The following NPAS2 variants were observed in gnomAD, a reference collection of about 807,000 sequenced individuals.
NPAS2 encodes the protein neuronal PAS domain protein 2.
A neutral mutation model predicts 107.5 loss-of-function variants in NPAS2; 23 were observed. The observed-to-expected ratio is 0.21, with a 90% CI of 0.15 to 0.30. The LOEUF is 0.30. Ranked by LOEUF, NPAS2 falls within the 10% of genes least tolerant of loss-of-function variation. The probability of loss-of-function intolerance (pLI) is 1.00; values close to 1 mark genes in which losing one functional copy is unlikely to be tolerated. For synonymous variants in NPAS2, 403 were observed against 417.5 expected, an observed-to-expected ratio of 0.97 and a Z score of 0.42; for missense variants, 756 against 1,043.3, an observed-to-expected ratio of 0.72 and a Z score of 3.79.
chr2:100,875,947 G>A (rs1428192747), intron 1 of NPAS2, among the ~76,000 whole-genome samples: 21 of 152,292 alleles, frequency 1.4e-4, no homozygotes, highest in Non-Finnish European at 1.0e-4. Flanking sequence ...GGTTAAAACC[G>A]TGTGAAGTGC....
intron 1 of NPAS2, among the ~76,000 whole-genome samples, chr2:100,874,652 G>A (rs1279623102): frequency 6.6e-6 from 1 of 152,070 alleles, no homozygotes; most frequent in Non-Finnish European, 1.5e-5. Flanking sequence ...TGGGGCAGGA[G>A]AACCACTTGA....
chr2:100,973,625 C>T (rs943525472), intron 12 of NPAS2, among the ~76,000 whole-genome samples: 2 of 152,106 alleles, frequency 1.3e-5, no homozygotes, highest in African/African-American at 4.8e-5. Flanking sequence ...GTACAATATC[C>T]ACCCCCACTG....
intron 2 of NPAS2, among the ~76,000 whole-genome samples, chr2:100,905,989 T>A (rs1682123600): frequency 6.6e-6 from 1 of 152,020 alleles, no homozygotes; most frequent in Admixed American, 6.6e-5. Flanking sequence ...ATATTTCCTT[T>A]AAAAAAATCA....
At chr2:100,957,791 G>T (rs556161100) in intron 7 of NPAS2, among the ~76,000 whole-genome samples, 2 of 152,224 alleles carry the variant, frequency 1.3e-5, no homozygotes, top group Non-Finnish European at 2.9e-5. Context: ...AGCCGGGCGC[G>T]ATGGCAGGTG....
At chr2:100,975,014 C>T (rs1676878316) in intron 13 of NPAS2, 70 bp downstream of exon 13, 1 of 1,559,394 alleles carries the variant, frequency 6.4e-7, no homozygotes, top group Non-Finnish European at 8.7e-7. Flanking sequence ...CACAGAGGGT[C>T]CCGGGCCCAA....
chr2:100,877,926 A>C, intron 1 of NPAS2: 1 of 970,304 alleles, frequency 1.0e-6, no homozygotes, highest in Non-Finnish European at 1.2e-6. Context: ...AAATTATCAA[A>C]CAGTAAACAT....
chr2:100,821,402 C>A (rs988272292), intron 1 of NPAS2, among the ~76,000 whole-genome samples: 2 of 151,980 alleles, frequency 1.3e-5, no homozygotes, highest in Non-Finnish European at 2.9e-5. Flanking sequence ...AGAGGAGTTT[C>A]GTCTTTACGC....
At chr2:100,841,368 G>T (rs12991298) in intron 1 of NPAS2, among the ~76,000 whole-genome samples, 2 of 152,118 alleles carry the variant, frequency 1.3e-5, no homozygotes, top group African/African-American at 2.4e-5. Context: ...ATGAACCCGG[G>T]GGGTGGAGGT....
At chr2:100,854,596 T>A (rs1678438985) in intron 1 of NPAS2, among the ~76,000 whole-genome samples, 1 of 152,224 alleles carries the variant, frequency 6.6e-6, no homozygotes, top group South Asian at 2.1e-4. Context: ...TGGCCTTGCC[T>A]GGTCACAAGG....
intron 3 of NPAS2, among the ~76,000 whole-genome samples, chr2:100,929,388 C>A (rs1683798560): frequency 6.6e-6 from 1 of 152,212 alleles, no homozygotes; most frequent in African/African-American, 2.4e-5. Flanking sequence ...CTTCTTGTGG[C>A]TATTTATATC....
intron 1 of NPAS2, among the ~76,000 whole-genome samples, chr2:100,855,559 A>AT (rs1159901109): frequency 6.6e-6 from 1 of 152,180 alleles, no homozygotes; most frequent in Non-Finnish European, 1.5e-5. Context: ...CCCATCATGC[A>AT]TTTATTCCAC....
chr2:100,905,899 A>T, intron 2 of NPAS2, among the ~76,000 whole-genome samples: 1 of 152,154 alleles, frequency 6.6e-6, no homozygotes, highest in East Asian at 1.9e-4. Context: ...TGAGAACCAC[A>T]AATCCCTGGC....
chr2:100,831,330 G>A (rs1048747643), intron 1 of NPAS2, among the ~76,000 whole-genome samples: 1 of 152,112 alleles, frequency 6.6e-6, no homozygotes, highest in Non-Finnish European at 1.5e-5. Context: ...AATAAATTGT[G>A]TGTTTGCCAC....
In NPAS2 at chr2:100,968,436, G is replaced by T. The variant is rs185317494; in HGVS notation, c.1055+8G>T. On this transcript the variant is annotated splice_region_variant and intron_variant, in intron 11 of 20. Coordinates refer to ENST00000335681, the MANE Select transcript of NPAS2 (RefSeq NM_002518.4). The surrounding 1 kb of genome is among the most constrained non-coding windows in gnomAD (Gnocchi z 5.3). The stretch of plus-strand genomic sequence containing the variant: ...CACACACTCGGTGGTCAGGTACCGC[G>T]CACGGGCAGGGGTGCGGCTGCGTCC... 10 of 1,612,748 alleles carry T rather than the reference G, an allele frequency of 6.2e-6. No homozygotes were observed. The highest frequency in any genetic ancestry group is 8.5e-6 in the Non-Finnish European group (10 of 1,179,162).
intron 1 of NPAS2, among the ~76,000 whole-genome samples, chr2:100,831,196 T>C (rs1676712974): frequency 6.6e-6 from 1 of 152,082 alleles, no homozygotes; most frequent in Non-Finnish European, 1.5e-5. Flanking sequence ...CTCGGAAGGC[T>C]GAGGCAGGAC....
At chr2:100,940,569 T>C (rs1295776153) in intron 5 of NPAS2, among the ~76,000 whole-genome samples, 1 of 152,204 alleles carries the variant, frequency 6.6e-6, no homozygotes, top group Non-Finnish European at 1.5e-5. Flanking sequence ...CGTTAATATG[T>C]GTAGGCGCAT....
chr2:100,866,373 T>C (rs534906637), intron 1 of NPAS2, among the ~76,000 whole-genome samples: 3 of 152,344 alleles, frequency 2.0e-5, no homozygotes, highest in Admixed American at 2.0e-4. Context: ...TTGTTTTATC[T>C]ACCCTCTTTC....
chr2:100,878,120 A>G (rs1680102749), intron 1 of NPAS2: 1 of 985,340 alleles, frequency 1.0e-6, no homozygotes, highest in African/African-American at 1.7e-5. Context: ...GTTTGGCAGC[A>G]GCTGAGACAA....
At chr2:100,896,889 A>G (rs925314157) in intron 1 of NPAS2, among the ~76,000 whole-genome samples, 4 of 152,064 alleles carry the variant, frequency 2.6e-5, no homozygotes, top group Non-Finnish European at 5.9e-5. Flanking sequence ...TAATATGGGT[A>G]AGGAGCTTGT....
Sources: gnomAD v4.1 joint callset for allele counts (sites outside exome capture counted in the v4.1 genomes callset) on GRCh38, gnomAD v4.1.1 for gene constraint, Gnocchi (gnomAD v3.1) non-coding constraint, MANE v1.5 for transcripts, NCBI Gene and HGNC (gene_info 2026-07-23, HGNC 2026-07-21) for gene names.